The following DMD variants were observed in gnomAD, a reference collection of about 807,000 sequenced individuals.
The protein encoded by DMD is dystrophin.
A neutral mutation model predicts 330.1 loss-of-function variants in DMD; 63 were observed. The ratio of observed to expected loss-of-function variants is 0.19; its 90% CI spans 0.16 to 0.24. The LOEUF (loss-of-function observed/expected upper bound fraction) is 0.24, where lower values mean the gene tolerates loss of function less well. Among genes scored for constraint, DMD ranks in the 10% least tolerant of loss-of-function variants. The pLI, the probability that DMD is intolerant of heterozygous loss-of-function variation, is 1.00. For synonymous variants in DMD, 1,223 were observed against 959.8 expected, an observed-to-expected ratio of 1.27 and a Z score of -5.07; for missense variants, 3,344 against 2,684.1, an observed-to-expected ratio of 1.25 and a Z score of -5.43.
chrX:32,560,194 A>AT (rs1569202320), intron 16 of DMD, among the ~76,000 whole-genome samples: 1 of 109,085 alleles, frequency 9.2e-6, no homozygotes, highest in African/African-American at 3.3e-5. Flanking sequence ...TTGAAAAAAA[A>AT]AATATATATA....
At chrX:32,117,560 C>T (rs1344353847) in intron 44 of DMD, among the ~76,000 whole-genome samples, 1 of 111,822 alleles carries the variant, frequency 8.9e-6, no homozygotes. Flanking sequence ...CTGCCATGCT[C>T]ATGTTTTTAA....
chrX:31,148,208 T>C (rs776322348), intron 74 of DMD, among the ~76,000 whole-genome samples: 19 of 112,147 alleles, frequency 1.7e-4, no homozygotes, highest in African/African-American at 6.2e-4. Context: ...TGTTTGCCTG[T>C]ATTTTTCTTT....
At position 32,889,290 on chromosome X, in the gene DMD, GT is replaced by G. The variant is rs1354185446; in HGVS notation, c.94-39471del. Among the ~76,000 whole-genome samples, 3 of 111,390 alleles carry G rather than the reference GT, an allele frequency of 2.7e-5. No individual in the cohort carries two copies. The Admixed American group carries it at 2.9e-4, about 11-fold the overall frequency. On this transcript the variant is annotated intron_variant, in intron 2 of 78. Transcript: ENST00000357033. ...TTCCCACATGCCTCCAGCAAACACA[GT>G]GCTCAATGGGTTTTTGGAGGATGAA...
intron 1 of DMD, among the ~76,000 whole-genome samples, chrX:33,162,946 A>G (rs1440236789): frequency 1.8e-5 from 2 of 111,326 alleles, no homozygotes; most frequent in African/African-American, 6.5e-5. Context: ...TTAGGTCTAG[A>G]AACAGCATAA....
At chrX:31,794,085 C>T (rs2091705160) in intron 50 of DMD, among the ~76,000 whole-genome samples, 1 of 111,315 alleles carries the variant, frequency 9.0e-6, no homozygotes, top group South Asian at 3.8e-4. Context: ...TCTGAGACTA[C>T]AGCACAGTTG....
chrX:33,020,741 T>TA (rs1381995766), intron 1 of DMD, among the ~76,000 whole-genome samples: 13 of 111,407 alleles, frequency 1.2e-4, no homozygotes, highest in South Asian at 3.8e-4. Flanking sequence ...TGTATGATTA[T>TA]AAAAAAATAG....
intron 48 of DMD, among the ~76,000 whole-genome samples, chrX:31,869,831 C>CGGAT (rs1389385537): frequency 9.0e-6 from 1 of 111,366 alleles, no homozygotes; most frequent in Non-Finnish European, 1.9e-5. Flanking sequence ...AGAAATCCAT[C>CGGAT]GGATTGCTAC....
intron 59 of DMD, among the ~76,000 whole-genome samples, chrX:31,463,038 A>C (rs913862631): frequency 7.1e-5 from 8 of 112,361 alleles, no homozygotes; most frequent in African/African-American, 2.6e-4. Context: ...TTAAAACATG[A>C]TGAATCCATT....
chrX:32,579,230 A>C (rs2053391855), intron 13 of DMD, among the ~76,000 whole-genome samples: 1 of 112,007 alleles, frequency 8.9e-6, no homozygotes, highest in Non-Finnish European at 1.9e-5. Flanking sequence ...AGGGCGGATA[A>C]ACCTATTTTG....
intron 45 of DMD, among the ~76,000 whole-genome samples, chrX:31,961,594 A>G (rs1361974120): frequency 9.0e-6 from 1 of 111,386 alleles, no homozygotes; most frequent in Non-Finnish European, 1.9e-5. Context: ...AAAAGGGGCA[A>G]GAAAACCTTA....
At chrX:33,163,645 T>C (rs2048913190) in intron 1 of DMD, among the ~76,000 whole-genome samples, 4 of 107,990 alleles carry the variant, frequency 3.7e-5, no homozygotes, top group Non-Finnish European at 5.7e-5. Context: ...TCTATCTATC[T>C]ATCTATCTAT....
At chrX:31,222,392 C>CAAAAAAAAAAAAAAAAA (rs57227723) in intron 64 of DMD, among the ~76,000 whole-genome samples, 1 of 20,626 alleles carries the variant, frequency 4.8e-5, no homozygotes, top group African/African-American at 1.6e-4. Context: ...GACTCCATCT[C>CAAAAAAAAAAAAAAAAA]AAAAAAAAAA....
chrX:32,603,127 C>T (rs902323653), intron 12 of DMD, among the ~76,000 whole-genome samples: 3 of 110,699 alleles, frequency 2.7e-5, no homozygotes, highest in African/African-American at 6.6e-5. Flanking sequence ...CAAGGTGGTT[C>T]TTAACACATT....
chrX:32,566,479 A>T (rs1277387213), intron 15 of DMD, among the ~76,000 whole-genome samples: 1 of 112,643 alleles, frequency 8.9e-6, no homozygotes, highest in East Asian at 2.8e-4. Context: ...TGTAGCATCC[A>T]TTAATCAATT....
At chrX:31,997,507 T>C (rs1164237799) in intron 44 of DMD, among the ~76,000 whole-genome samples, 1 of 109,937 alleles carries the variant, frequency 9.1e-6, no homozygotes, top group Non-Finnish European at 1.9e-5. Flanking sequence ...ACACTAATTG[T>C]TGTCACCTGA....
chrX:32,827,491 C>T (rs756164657), intron 4 of DMD, among the ~76,000 whole-genome samples: 2 of 110,419 alleles, frequency 1.8e-5, no homozygotes, highest in African/African-American at 6.6e-5. Flanking sequence ...AGGTAAATTG[C>T]GTGTCATGGG....
intron 55 of DMD, among the ~76,000 whole-genome samples, chrX:31,518,848 T>C (rs1263493913): frequency 4.5e-5 from 5 of 111,457 alleles, no homozygotes; most frequent in Admixed American, 9.6e-5. Flanking sequence ...GGTTAGAGCA[T>C]AGATCTTCCT....
chrX:32,735,501 C>G (rs1315220440), intron 7 of DMD, among the ~76,000 whole-genome samples: 2 of 111,497 alleles, frequency 1.8e-5, no homozygotes, highest in Admixed American at 9.5e-5. Flanking sequence ...CATCACACTA[C>G]CTGACTTCAA....
intron 74 of DMD, among the ~76,000 whole-genome samples, chrX:31,156,039 CTT>C (rs893951358): frequency 1.8e-5 from 2 of 110,739 alleles, no homozygotes; most frequent in African/African-American, 6.6e-5. Context: ...CTTTAGACAT[CTT>C]TATCAAACAC....
Sources: gnomAD v4.1 joint callset for allele counts (sites outside exome capture counted in the v4.1 genomes callset) on GRCh38, gnomAD v4.1.1 for gene constraint, MANE v1.5 for transcripts, NCBI Gene and HGNC (gene_info 2026-07-23, HGNC 2026-07-21) for gene names.